Variants in MARK3 observed in about 807,000 individuals in gnomAD.
MARK3 encodes microtubule affinity regulating kinase 3.
Under a neutral mutation model 90.1 loss-of-function variants are expected in MARK3, and 46 were observed. That is an observed-to-expected ratio of 0.51 (90% CI 0.40 to 0.65). The LOEUF (loss-of-function observed/expected upper bound fraction) is 0.65. Among genes scored for constraint, MARK3 ranks in the 30% least tolerant of loss-of-function variants. The pLI, the probability that MARK3 is intolerant of heterozygous loss-of-function variation, is 0.00. For synonymous variants in MARK3, 321 were observed against 332.6 expected (o/e 0.97, Z 0.38); for missense variants, 818 against 947.2 (o/e 0.86, Z 1.79).
intron 6 of MARK3, among the ~76,000 whole-genome samples, chr14:103,460,450 T>C (rs1017538933): frequency 6.6e-6 from 1 of 152,220 alleles, no homozygotes; most frequent in Admixed American, 6.5e-5. Context: ...GACGCTCTTT[T>C]ATGTATGATT....
intron 1 of MARK3, among the ~76,000 whole-genome samples, chr14:103,403,875 G>A (rs951552415): frequency 1.3e-5 from 2 of 152,168 alleles, no homozygotes; most frequent in African/African-American, 2.4e-5. Context: ...GATTTGCAGT[G>A]AGGTCATAAA....
chr14:103,426,149 G>T (rs1421733662), intron 2 of MARK3, among the ~76,000 whole-genome samples: 3 of 152,046 alleles, frequency 2.0e-5, no homozygotes, highest in South Asian at 2.1e-4. Flanking sequence ...ATTTTCCAGA[G>T]GTTACATGAT....
intron 2 of MARK3, among the ~76,000 whole-genome samples, chr14:103,419,326 C>T (rs755022366): frequency 1.3e-5 from 2 of 151,922 alleles, no homozygotes; most frequent in South Asian, 4.2e-4. Context: ...TGAGAACTCC[C>T]CAAAGCTTTT....
At chr14:103,421,930 C>A (rs2092237294) in intron 2 of MARK3, among the ~76,000 whole-genome samples, 2 of 152,166 alleles carry the variant, frequency 1.3e-5, no homozygotes, top group African/African-American at 4.8e-5. Context: ...ATATTACACA[C>A]AGTTTAAAGA....
At chr14:103,482,914 G>C (rs1424589517) in intron 14 of MARK3, among the ~76,000 whole-genome samples, 1 of 152,104 alleles carries the variant, frequency 6.6e-6, no homozygotes, top group East Asian at 1.9e-4. Context: ...CTTTGCTTCT[G>C]AAGGTGTCGT....
intron 2 of MARK3, chr14:103,412,289 A>G (rs1026784059): frequency 1.4e-5 from 9 of 650,828 alleles, no homozygotes; most frequent in Admixed American, 1.2e-4. Context: ...CAAACATAAC[A>G]TGTTCATATG....
chr14:103,473,862 T>G (rs925934003), intron 12 of MARK3, among the ~76,000 whole-genome samples: 18 of 151,888 alleles, frequency 1.2e-4, no homozygotes, highest in African/African-American at 3.4e-4. Context: ...ACCACACACC[T>G]CCCACCTTTA....
intron 2 of MARK3, among the ~76,000 whole-genome samples, chr14:103,426,452 T>C (rs1434010823): frequency 1.3e-5 from 2 of 152,132 alleles, no homozygotes; most frequent in Admixed American, 6.6e-5. Flanking sequence ...CTATAGATGC[T>C]TTCTTCAGGG....
intron 3 of MARK3, among the ~76,000 whole-genome samples, chr14:103,433,197 T>C (rs977455493): frequency 3.3e-5 from 5 of 151,540 alleles, no homozygotes. Flanking sequence ...GAGATACTTC[T>C]GCCTCAGCCC....
rs2075773875 is a variant in MARK3, at chr14:103,503,354, CG to C, written c.*128del. ...AAATCATGAAATTAAAGTCTGAGGA[CG>C]AGAGCACGCCTGGGAGCGAAAGCTG... On this transcript the variant is annotated 3_prime_UTR_variant, in exon 18 of 18. Coordinates refer to ENST00000429436, the MANE Select transcript of MARK3 (RefSeq NM_001128918.3). 1 of 905,824 alleles carries C rather than the reference CG, an allele frequency of 1.1e-6. No homozygotes were observed. Among genetic ancestry groups the C allele is most frequent in the African/African-American group, 1.7e-5 (1 of 59,642 alleles). The allele number at this position is 905,824 out of a possible 1,614,324, so 56.1% of individuals were successfully genotyped here. A position where few individuals can be genotyped will look rare whatever the true frequency, so the allele number is the denominator to read the frequency against.
At chr14:103,449,450 T>C (rs1045065928) in intron 4 of MARK3, among the ~76,000 whole-genome samples, 8 of 150,516 alleles carry the variant, frequency 5.3e-5, no homozygotes, top group Non-Finnish European at 7.4e-5. Flanking sequence ...AATAATAAAC[T>C]TAAAAATTTG....
intron 1 of MARK3, among the ~76,000 whole-genome samples, chr14:103,402,504 A>T (rs532798242): frequency 6.6e-5 from 10 of 151,394 alleles, no homozygotes; most frequent in Admixed American, 6.6e-4. Flanking sequence ...GTGAGCTGAG[A>T]TTGCGCCACT....
At chr14:103,442,281 A>G (rs1430648819) in intron 3 of MARK3, among the ~76,000 whole-genome samples, 1 of 151,868 alleles carries the variant, frequency 6.6e-6, no homozygotes, top group African/African-American at 2.4e-5. Context: ...GAGGCAGGAG[A>G]ATGGTGTGAA....
intron 12 of MARK3, 50 bp from the exon 13 acceptor site, chr14:103,474,943 A>G (rs766918711): frequency 6.9e-7 from 1 of 1,452,690 alleles, no homozygotes; most frequent in Admixed American, 1.9e-5. Context: ...GTCACAAAAT[A>G]AAACTTGAAA....
chr14:103,499,878 T>C (rs1317211970), intron 16 of MARK3: 2 of 255,604 alleles, frequency 7.8e-6, no homozygotes, highest in East Asian at 1.6e-4. Context: ...GTGTGTGCAG[T>C]GTGCAGCGTG....
chr14:103,396,495 A>C (rs191581490), intron 1 of MARK3, among the ~76,000 whole-genome samples: 18 of 152,194 alleles, frequency 1.2e-4, no homozygotes, highest in African/African-American at 3.9e-4. Context: ...AAGTAAATGC[A>C]GCCATGATTT....
chr14:103,399,199 G>A (rs1247830295), intron 1 of MARK3, among the ~76,000 whole-genome samples: 1 of 152,128 alleles, frequency 6.6e-6, no homozygotes, highest in Non-Finnish European at 1.5e-5. Context: ...TCTAAGAAAT[G>A]TTTTAATTTG....
chr14:103,486,985 T>C (rs1291866412), intron 14 of MARK3, among the ~76,000 whole-genome samples: 4 of 151,948 alleles, frequency 2.6e-5, no homozygotes, highest in Admixed American at 2.6e-4. Flanking sequence ...TGGCATGATC[T>C]CAGCTCACTG....
intron 14 of MARK3, among the ~76,000 whole-genome samples, chr14:103,487,236 T>C (rs940922878): frequency 3.3e-5 from 5 of 149,378 alleles, no homozygotes; most frequent in Non-Finnish European, 7.4e-5. Flanking sequence ...TAATTTATAA[T>C]CCCAGCACTT....
Sources: gnomAD v4.1 joint callset for allele counts (sites outside exome capture counted in the v4.1 genomes callset) on GRCh38, gnomAD v4.1.1 for gene constraint, MANE v1.5 for transcripts, NCBI Gene and HGNC (gene_info 2026-07-23, HGNC 2026-07-21) for gene names.